The following TMEM132C variants were observed in gnomAD, a reference collection of about 807,000 sequenced individuals.
TMEM132C encodes the protein protein phosphatase 1, regulatory subunit 152.
Under a neutral mutation model 61.4 loss-of-function variants are expected in TMEM132C, and 29 were observed. The observed-to-expected ratio is 0.47, with a 90% CI of 0.35 to 0.64. TMEM132C has a LOEUF of 0.64. Ranked by LOEUF, TMEM132C falls within the 30% of genes least tolerant of loss-of-function variation. TMEM132C has a pLI of 0.00. For missense variants in TMEM132C, 1,408 were observed against 1,476.9 expected, an observed-to-expected ratio of 0.95 and a Z score of 0.76; for synonymous variants, 656 against 633.1, an observed-to-expected ratio of 1.04 and a Z score of -0.54.
At chr12:128,275,246 C>T (rs115554163) in intron 1 of TMEM132C, among the ~76,000 whole-genome samples, 128 of 152,308 alleles carry the variant, frequency 8.4e-4, no homozygotes, top group African/African-American at 3.0e-3. Context: ...GATGGATAAG[C>T]GAGCAATGCT....
intron 3 of TMEM132C, among the ~76,000 whole-genome samples, chr12:128,578,902 GT>G (rs34473801): frequency 0.11 from 17,076 of 149,674 alleles, 1,079 homozygotes; most frequent in East Asian, 0.14. Context: ...CCAGCCGAAA[GT>G]TTTTTTTTTA....
In TMEM132C at chr12:128,697,529, A is replaced by G. The variant is rs147418543; in HGVS notation, c.2121+114A>G. 213 of 1,053,698 alleles carry G rather than the reference A, an allele frequency of 2.0e-4. No individual in the cohort carries two copies. In the East Asian group the frequency reaches 4.6e-3, roughly 23 times the overall value. 65.3% of individuals were successfully genotyped at this position (1,053,698 alleles called of 1,614,324 possible). On this transcript the variant is annotated intron_variant, in intron 8 of 8. Transcript: ENST00000435159. Reference sequence around the variant, plus strand: ...GGGCAGGTTAGCAGAACCATGTTCCACAATGGAAGCCATGTCATTGCAGAC... The same window carrying G: ...GGGCAGGTTAGCAGAACCATGTTCCGCAATGGAAGCCATGTCATTGCAGAC...
chr12:128,401,750 C>T (rs1875165076), intron 1 of TMEM132C, among the ~76,000 whole-genome samples: 2 of 152,058 alleles, frequency 1.3e-5, no homozygotes, highest in South Asian at 4.2e-4. Flanking sequence ...TGTGAATGTC[C>T]AGTGGGGCAG....
chr12:128,419,846 G>A (rs1338263606), intron 2 of TMEM132C, among the ~76,000 whole-genome samples: 1 of 152,096 alleles, frequency 6.6e-6, no homozygotes, highest in Non-Finnish European at 1.5e-5. Flanking sequence ...GAATGAAACA[G>A]GCAAAATTTC....
intron 1 of TMEM132C, among the ~76,000 whole-genome samples, chr12:128,268,603 A>G (rs1870399428): frequency 6.6e-6 from 1 of 152,100 alleles, no homozygotes; most frequent in African/African-American, 2.4e-5. Flanking sequence ...CGGGTCCAGT[A>G]TCGGCCCCAG....
At chr12:128,475,860 C>T (rs776439136) in intron 2 of TMEM132C, among the ~76,000 whole-genome samples, 14 of 152,304 alleles carry the variant, frequency 9.2e-5, no homozygotes, top group East Asian at 1.9e-4. Flanking sequence ...AGGAAGCTGA[C>T]GCCCTGCCTG....
chr12:128,505,747 C>T (rs978807364), intron 2 of TMEM132C, among the ~76,000 whole-genome samples: 3 of 152,170 alleles, frequency 2.0e-5, no homozygotes, highest in African/African-American at 7.2e-5. Context: ...TACTCAATGT[C>T]AATTGAGTGA....
chr12:128,431,827 G>A (rs561462821), intron 2 of TMEM132C, among the ~76,000 whole-genome samples: 2 of 152,160 alleles, frequency 1.3e-5, no homozygotes, highest in Non-Finnish European at 2.9e-5. Context: ...AAAGTGCTTC[G>A]ACCATCTAGC....
intron 3 of TMEM132C, among the ~76,000 whole-genome samples, chr12:128,561,151 A>G (rs992341332): frequency 3.9e-5 from 6 of 152,208 alleles, no homozygotes; most frequent in East Asian, 3.8e-4. Flanking sequence ...TTTATTCTTC[A>G]TGCAGTGAGG....
intron 5 of TMEM132C, among the ~76,000 whole-genome samples, chr12:128,686,715 T>C (rs138179186): frequency 5.9e-5 from 9 of 152,294 alleles, no homozygotes; most frequent in African/African-American, 2.2e-4. Flanking sequence ...GTGTCAGGTG[T>C]TAGGTCCCAG....
intron 1 of TMEM132C, among the ~76,000 whole-genome samples, chr12:128,316,384 A>G (rs895495060): frequency 6.6e-5 from 10 of 152,156 alleles, no homozygotes; most frequent in Admixed American, 1.3e-4. Flanking sequence ...CCACAGCAGT[A>G]AGATAGACCC....
chr12:128,672,175 C>T (rs770986253), intron 5 of TMEM132C, among the ~76,000 whole-genome samples: 15 of 151,724 alleles, frequency 9.9e-5, no homozygotes, highest in East Asian at 3.9e-4. Context: ...GTGTTTTATA[C>T]TAACAGCACA....
intron 4 of TMEM132C, among the ~76,000 whole-genome samples, chr12:128,666,171 GCA>G (rs1408257823): frequency 1.9e-5 from 2 of 107,772 alleles, no homozygotes; most frequent in Admixed American, 1.0e-4. Flanking sequence ...ACAAACACAG[GCA>G]CACACACACA....
chr12:128,460,535 C>A (rs1350504752), intron 2 of TMEM132C, among the ~76,000 whole-genome samples: 1 of 152,192 alleles, frequency 6.6e-6, no homozygotes, highest in Non-Finnish European at 1.5e-5. Context: ...ACCCCGAGAG[C>A]TACAGTATGG....
At chr12:128,492,534 A>G (rs1565952221) in intron 2 of TMEM132C, among the ~76,000 whole-genome samples, 1 of 152,172 alleles carries the variant, frequency 6.6e-6, no homozygotes, top group African/African-American at 2.4e-5. Flanking sequence ...CTTTTTAGTA[A>G]TCACCATTCT....
chr12:128,471,456 A>C (rs1870949591), intron 2 of TMEM132C, among the ~76,000 whole-genome samples: 1 of 152,206 alleles, frequency 6.6e-6, no homozygotes, highest in South Asian at 2.1e-4. Context: ...CCTCTTCTGA[A>C]CCAAATGGAA....
chr12:128,662,279 T>C (rs755573608), intron 4 of TMEM132C, among the ~76,000 whole-genome samples: 10 of 152,222 alleles, frequency 6.6e-5, no homozygotes, highest in Admixed American at 2.0e-4. Context: ...AATTGCCTTA[T>C]ACGAGACACT....
chr12:128,332,466 C>G (rs1007886832), intron 1 of TMEM132C, among the ~76,000 whole-genome samples: 13 of 152,316 alleles, frequency 8.5e-5, no homozygotes, highest in African/African-American at 3.1e-4. Context: ...CTCTCTTTCT[C>G]TCTCTGCTGT....
At chr12:128,282,282 G>A (rs781147252) in intron 1 of TMEM132C, among the ~76,000 whole-genome samples, 19 of 152,152 alleles carry the variant, frequency 1.2e-4, no homozygotes, top group East Asian at 5.8e-4. Context: ...GTATTATTCC[G>A]TTTTCACATT....
Sources: allele counts gnomAD v4.1 joint callset (sites outside exome capture counted in the v4.1 genomes callset), GRCh38; gene constraint gnomAD v4.1.1; transcripts MANE v1.5; gene names NCBI Gene and HGNC (gene_info 2026-07-23, HGNC 2026-07-21).